The following NKAIN3 variants were observed in gnomAD, a reference collection of about 807,000 sequenced individuals.
NKAIN3 encodes sodium/potassium transporting ATPase interacting 3.
In NKAIN3, 25 loss-of-function variants were observed where a neutral mutation model predicts 30.2. That is an observed-to-expected ratio of 0.83 (90% CI 0.60 to 1.16). The LOEUF (loss-of-function observed/expected upper bound fraction) is 1.16, where lower values mean the gene tolerates loss of function less well. NKAIN3 is among the 50% of genes most tolerant of loss of function. The pLI is 0.00. For missense variants in NKAIN3, 225 were observed against 254.1 expected, an observed-to-expected ratio of 0.89 and a Z score of 0.78; for synonymous variants, 91 against 89.6, an observed-to-expected ratio of 1.02 and a Z score of -0.09.
chr8:62,787,577 G>C (rs1040283054), intron 4 of NKAIN3, among the ~76,000 whole-genome samples: 2 of 152,122 alleles, frequency 1.3e-5, no homozygotes, highest in African/African-American at 4.8e-5. Context: ...TATGCACAAC[G>C]TGCAGATTTG....
At chr8:62,682,094 C>A (rs867391713) in intron 3 of NKAIN3, among the ~76,000 whole-genome samples, 1 of 152,060 alleles carries the variant, frequency 6.6e-6, no homozygotes, top group African/African-American at 2.4e-5. Context: ...CCAAGAGAAT[C>A]CACCAACCCT....
rs1232273044 is a variant in NKAIN3 at position 62,976,434 on chromosome 8, T to G, written c.*11027T>G. On this transcript the variant is annotated 3_prime_UTR_variant, in exon 7 of 7. Coordinates refer to ENST00000623646, the MANE Select transcript of NKAIN3 (RefSeq NM_001304533.3). The stretch of plus-strand genomic sequence containing the variant: ...TGTTGCATTGATCCTTTTACTATTA[T>G]GTAATGGCCTTCTGTGTCTGTTTTG... Among the ~76,000 whole-genome samples, 1 of 152,230 alleles carries G rather than the reference T, an allele frequency of 6.6e-6. No homozygotes were observed. The highest frequency in any genetic ancestry group is 1.5e-5 in the Non-Finnish European group (1 of 68,036).
At chr8:62,928,491 T>A (rs879390872) in intron 5 of NKAIN3, among the ~76,000 whole-genome samples, 1 of 152,230 alleles carries the variant, frequency 6.6e-6, no homozygotes, top group Non-Finnish European at 1.5e-5. Context: ...AGCGATATCA[T>A]GACAGCTATG....
intron 1 of NKAIN3, among the ~76,000 whole-genome samples, chr8:62,366,806 T>C (rs1816753217): frequency 6.6e-6 from 1 of 152,198 alleles, no homozygotes; most frequent in African/African-American, 2.4e-5. Flanking sequence ...AGATTTTTCT[T>C]CTTTTTTAAT....
At chr8:62,853,839 G>T (rs1277382737) in intron 4 of NKAIN3, among the ~76,000 whole-genome samples, 3 of 152,122 alleles carry the variant, frequency 2.0e-5, no homozygotes, top group Non-Finnish European at 4.4e-5. Context: ...GGTATTTAGT[G>T]CTGTAGATTT....
At chr8:62,847,697 G>A (rs1006223487) in intron 4 of NKAIN3, among the ~76,000 whole-genome samples, 1 of 151,946 alleles carries the variant, frequency 6.6e-6, no homozygotes, top group Non-Finnish European at 1.5e-5. Flanking sequence ...AGACCCCATC[G>A]GTCAATTTTT....
chr8:62,783,063 CATT>C (rs201578553), intron 4 of NKAIN3, among the ~76,000 whole-genome samples: 1,550 of 151,918 alleles, frequency 0.01, 26 homozygotes, highest in African/African-American at 0.034. Flanking sequence ...CCCACAAAAA[CATT>C]ATGTATTAAT....
intron 1 of NKAIN3, among the ~76,000 whole-genome samples, chr8:62,302,687 C>T (rs1420052935): frequency 6.6e-6 from 1 of 152,000 alleles, no homozygotes; most frequent in Non-Finnish European, 1.5e-5. Context: ...ATCCTATCCC[C>T]TACATTGTTT....
rs550096895 is a variant in NKAIN3, at chr8:62,629,386, T to TTA, written c.273+39596_273+39597dup. On this transcript the variant is annotated intron_variant, in intron 3 of 6. Transcript: ENST00000623646. ...AAATGGAGTTTTATTTATTGAATAC[T>TTA]TATATTTTGCATGCCTACTATGCCA... Among the ~76,000 whole-genome samples the TTA allele has an allele frequency of 2.8e-3, 424 of 152,282 alleles. 1 individual carries two copies. The highest frequency in any genetic ancestry group is 4.6e-3 in the Non-Finnish European group (316 of 68,006).
chr8:62,765,262 A>AAAAAAAAAAG (rs1554575779), intron 4 of NKAIN3, among the ~76,000 whole-genome samples: 1 of 137,552 alleles, frequency 7.3e-6, no homozygotes, highest in African/African-American at 2.7e-5. Flanking sequence ...AAAAAAAAAA[A>AAAAAAAAAAG]AAAAGAAAAG....
chr8:62,376,822 A>T (rs558815093), intron 1 of NKAIN3, among the ~76,000 whole-genome samples: 1 of 152,166 alleles, frequency 6.6e-6, no homozygotes, highest in African/African-American at 2.4e-5. Flanking sequence ...TATAAAAAAA[A>T]CTTTTCTCTA....
At chr8:62,404,212 A>G (rs1803985681) in intron 1 of NKAIN3, among the ~76,000 whole-genome samples, 1 of 152,196 alleles carries the variant, frequency 6.6e-6, no homozygotes, top group Non-Finnish European at 1.5e-5. Flanking sequence ...TCAAATGCAG[A>G]AGGAACTTGC....
intron 1 of NKAIN3, among the ~76,000 whole-genome samples, chr8:62,426,827 C>G (rs1563393936): frequency 6.6e-6 from 1 of 151,888 alleles, no homozygotes; most frequent in East Asian, 1.9e-4. Flanking sequence ...TTAGATTTAT[C>G]CATGTCAAGT....
chr8:62,337,856 A>T (rs768374781), intron 1 of NKAIN3, among the ~76,000 whole-genome samples: 5 of 152,180 alleles, frequency 3.3e-5, no homozygotes, highest in Admixed American at 6.6e-5. Flanking sequence ...TCATAAACTG[A>T]AGTGTGAAAA....
chr8:62,800,561 T>G (rs1170209309), intron 4 of NKAIN3, among the ~76,000 whole-genome samples: 4 of 152,196 alleles, frequency 2.6e-5, no homozygotes, highest in African/African-American at 9.7e-5. Flanking sequence ...CTTCCAGGGA[T>G]TTTCTCTACT....
At chr8:62,806,958 C>T (rs1210509799) in intron 4 of NKAIN3, among the ~76,000 whole-genome samples, 2 of 152,084 alleles carry the variant, frequency 1.3e-5, no homozygotes, top group South Asian at 4.2e-4. Flanking sequence ...CGTGATGAAA[C>T]GTAGTGATGA....
chr8:62,551,775 C>T (rs555326070), intron 1 of NKAIN3, among the ~76,000 whole-genome samples: 9 of 152,298 alleles, frequency 5.9e-5, no homozygotes, highest in African/African-American at 1.9e-4. Context: ...ATATGCAAAA[C>T]ATCTTATTCT....
intron 1 of NKAIN3, among the ~76,000 whole-genome samples, chr8:62,535,058 T>A (rs1481004024): frequency 6.6e-6 from 1 of 152,150 alleles, no homozygotes; most frequent in African/African-American, 2.4e-5. Context: ...AATTGGAGTG[T>A]CTTTATGGAG....
chr8:62,394,253 T>C lies in NKAIN3; in HGVS notation c.54+145126T>C, dbSNP rs537921882. On this transcript the variant is annotated intron_variant, in intron 1 of 6. Coordinates refer to ENST00000623646, the MANE Select transcript of NKAIN3 (RefSeq NM_001304533.3). ...TCCTCCATTTCTCATTACATTTTTT[T>C]TTAAATCATGAATGGTGCTGAATCT... 2.1e-4 allele frequency among the ~76,000 whole-genome samples: 32 copies of C among 152,312 alleles called. No homozygotes were observed. In the Middle Eastern group the frequency reaches 0.014, roughly 65 times the overall value.
Sources: gnomAD v4.1 joint callset for allele counts (sites outside exome capture counted in the v4.1 genomes callset) on GRCh38, gnomAD v4.1.1 for gene constraint, MANE v1.5 for transcripts, NCBI Gene and HGNC (gene_info 2026-07-23, HGNC 2026-07-21) for gene names.